Variants in ENPP3 observed in about 807,000 individuals in gnomAD.
ENPP3 encodes the protein ectonucleotide pyrophosphatase/phosphodiesterase family member 3.
In ENPP3, 104 loss-of-function variants were observed where a neutral mutation model predicts 117.8. That is an observed-to-expected ratio of 0.88 (90% CI 0.75 to 1.04). The LOEUF (loss-of-function observed/expected upper bound fraction) is 1.04, where lower values mean the gene tolerates loss of function less well. Ranked by LOEUF, ENPP3 falls within the 50% of genes least tolerant of loss-of-function variation. The pLI is 0.00. For missense variants in ENPP3, 1,026 were observed against 1,051.9 expected, an observed-to-expected ratio of 0.98 and a Z score of 0.34; for synonymous variants, 380 against 349.9, an observed-to-expected ratio of 1.09 and a Z score of -0.96.
At chr6:131,684,194 A>G (rs1005126698) in intron 12 of ENPP3, among the ~76,000 whole-genome samples, 7 of 152,192 alleles carry the variant, frequency 4.6e-5, no homozygotes, top group African/African-American at 9.6e-5. Flanking sequence ...GAGACCAGCC[A>G]TGGGGCATGA....
At chr6:131,723,219 A>G (rs1437716775) in intron 18 of ENPP3, among the ~76,000 whole-genome samples, 1 of 152,216 alleles carries the variant, frequency 6.6e-6, no homozygotes, top group African/African-American at 2.4e-5. Flanking sequence ...CCTTATAGTC[A>G]GAAGTAGGTG....
intron 2 of ENPP3, among the ~76,000 whole-genome samples, chr6:131,643,120 T>A (rs576806927): frequency 6.6e-6 from 1 of 152,328 alleles, no homozygotes; most frequent in South Asian, 2.1e-4. Flanking sequence ...TAGTATGACC[T>A]AGGAGCACAG....
intron 20 of ENPP3, among the ~76,000 whole-genome samples, chr6:131,732,289 C>T (rs1780297296): frequency 1.3e-5 from 2 of 152,064 alleles, no homozygotes; most frequent in African/African-American, 4.8e-5. Context: ...TGATTATATG[C>T]TAATCAAAAT....
At chr6:131,647,246 A>T (rs1778171761) in intron 2 of ENPP3, among the ~76,000 whole-genome samples, 1 of 152,216 alleles carries the variant, frequency 6.6e-6, no homozygotes, top group Non-Finnish European at 1.5e-5. Context: ...TAACGTAAGC[A>T]TTTCTCAAAA....
rs1308367277 is a variant in ENPP3, at chr6:131,641,576, T to G, written c.154+46T>G. On this transcript the variant is annotated intron_variant, in intron 2 of 24. Coordinates refer to ENST00000357639, the MANE Select transcript of ENPP3 (RefSeq NM_005021.5). ...TCAGAACATTCCCTTATTTCTTCTC[T>G]CTTCTGGCCTTAATTCATTAAAATG... 2.5e-6 allele frequency: 3 copies of G among 1,205,210 alleles called. No individual in the cohort carries two copies. In the Admixed American group the frequency reaches 5.1e-5, roughly 21 times the overall value. The allele number at this position is 1,205,210 out of a possible 1,614,324, so 74.7% of individuals were successfully genotyped here.
chr6:131,685,292 T>A, intron 12 of ENPP3, 72 bp from the exon 13 acceptor site: 2 of 1,293,478 alleles, frequency 1.5e-6, no homozygotes, highest in Non-Finnish European at 2.2e-6. Flanking sequence ...TGTCTTCTAT[T>A]TGACAAGACA....
At chr6:131,660,284 C>G (rs1025101772) in intron 6 of ENPP3, among the ~76,000 whole-genome samples, 2 of 152,118 alleles carry the variant, frequency 1.3e-5, no homozygotes, top group Non-Finnish European at 2.9e-5. Context: ...AGCCCAGGGC[C>G]CCATCTCTAG....
intron 23 of ENPP3, 106 bp downstream of exon 23, chr6:131,738,269 C>A: frequency 1.1e-6 from 1 of 885,172 alleles, no homozygotes; most frequent in Non-Finnish European, 1.7e-6. Flanking sequence ...CATTCACAGA[C>A]AAATGTTATT....
At chr6:131,654,123 T>TATA (rs1386781304) in intron 5 of ENPP3, among the ~76,000 whole-genome samples, 4 of 148,300 alleles carry the variant, frequency 2.7e-5, no homozygotes, top group Non-Finnish European at 4.5e-5. Context: ...TTATTATTAT[T>TATA]ATTATTATTA....
At chr6:131,678,091 A>G (rs1028697367) in intron 11 of ENPP3, 151 bp downstream of exon 11, 1 of 509,410 alleles carries the variant, frequency 2.0e-6, no homozygotes, top group African/African-American at 1.9e-5. Flanking sequence ...TATAAAAGGG[A>G]TGCCATGGTT....
chr6:131,715,980 C>T (rs564798326), intron 15 of ENPP3, among the ~76,000 whole-genome samples: 95 of 152,204 alleles, frequency 6.2e-4, no homozygotes, highest in African/African-American at 2.2e-3. Context: ...GCTTTAAATG[C>T]TTGGCGATCT....
intron 11 of ENPP3, among the ~76,000 whole-genome samples, chr6:131,682,130 GC>G (rs1180579454): frequency 6.6e-6 from 1 of 152,042 alleles, no homozygotes; most frequent in Non-Finnish European, 1.5e-5. Flanking sequence ...ACCACACCCT[GC>G]CCCACTGTTC....
intron 14 of ENPP3, among the ~76,000 whole-genome samples, chr6:131,690,631 G>T (rs968870741): frequency 8.5e-5 from 13 of 152,104 alleles, no homozygotes; most frequent in African/African-American, 3.1e-4. Context: ...TGCCTGTGGA[G>T]TAAAATCTCT....
In ENPP3 at chr6:131,710,136, T is replaced by C. The variant is rs1247661904; in HGVS notation, c.1413-8536T>C. On this transcript the variant is annotated intron_variant, in intron 15 of 24. Transcript: ENST00000357639. ...TTTCCCATTGACTGTTCACTTTTAA[T>C]TCCAGGTTATCATCATCCGTTGTGT... 8.7e-6 allele frequency: 14 copies of C among 1,613,880 alleles called. No homozygotes were observed. The African/African-American group carries it at 1.7e-4, about 20-fold the overall frequency.
intron 18 of ENPP3, among the ~76,000 whole-genome samples, chr6:131,723,825 TCTCA>T (rs1391136033): frequency 2.1e-4 from 29 of 140,896 alleles, no homozygotes; most frequent in South Asian, 6.5e-4. Context: ...TCTCTCTCTC[TCTCA>T]CACACACACA....
intron 1 of ENPP3, chr6:131,638,379 C>A (rs1043815335): frequency 6.2e-6 from 2 of 321,074 alleles, no homozygotes. Flanking sequence ...TCACTAAACC[C>A]TATCTAAGAT....
chr6:131,666,128 A>T (rs577037530), intron 6 of ENPP3, among the ~76,000 whole-genome samples: 6 of 151,980 alleles, frequency 3.9e-5, no homozygotes, highest in African/African-American at 1.4e-4. Context: ...CTAATATGTG[A>T]TCTATCCTGG....
intron 15 of ENPP3, among the ~76,000 whole-genome samples, chr6:131,697,130 T>C (rs1399174054): frequency 6.6e-6 from 1 of 152,188 alleles, no homozygotes; most frequent in Non-Finnish European, 1.5e-5. Flanking sequence ...GGAGGCAGGT[T>C]TCCAGATGGA....
At chr6:131,654,598 A>G (rs1202072962) in intron 5 of ENPP3, among the ~76,000 whole-genome samples, 3 of 152,090 alleles carry the variant, frequency 2.0e-5, no homozygotes, top group Non-Finnish European at 4.4e-5. Flanking sequence ...ATGTGCCACC[A>G]TTCTCAGCTA....
Sources: allele counts gnomAD v4.1 joint callset (sites outside exome capture counted in the v4.1 genomes callset), GRCh38; gene constraint gnomAD v4.1.1; transcripts MANE v1.5; gene names NCBI Gene and HGNC (gene_info 2026-07-23, HGNC 2026-07-21).